USP12: variants seen among roughly 807,000 people sequenced by gnomAD.
USP12 encodes ubiquitin carboxyl-terminal hydrolase 12.
USP12 carries 19 observed loss-of-function variants against 45.5 expected under a neutral mutation model. That is an observed-to-expected ratio of 0.42 (90% CI 0.29 to 0.61). The LOEUF (loss-of-function observed/expected upper bound fraction) is 0.61, where lower values mean the gene tolerates loss of function less well. USP12 is among the 20% of genes least tolerant of loss of function. USP12 has a pLI of 0.22. For missense variants in USP12, 242 were observed against 447.7 expected (o/e 0.54, Z 4.15); for synonymous variants, 149 against 148.8 (o/e 1.00, Z -0.01).
chr13:27,120,792 C>T (rs535422706), intron 1 of USP12, among the ~76,000 whole-genome samples: 2 of 152,230 alleles, frequency 1.3e-5, no homozygotes, highest in South Asian at 4.1e-4. Flanking sequence ...CTATAGAATT[C>T]ATCATGAAGA....
At chr13:27,117,616 C>CGTGTGT (rs60533914) in intron 1 of USP12, 14,858 of 284,360 alleles carry the variant, frequency 0.052, 509 homozygotes, top group African/African-American at 0.093. Context: ...AAAACACCAA[C>CGTGTGT]GTGTGTGTGT....
chr13:27,107,652 A>T (rs1376672122), intron 2 of USP12, among the ~76,000 whole-genome samples: 2 of 152,186 alleles, frequency 1.3e-5, no homozygotes, highest in African/African-American at 4.8e-5. Flanking sequence ...TGTGTTCTCT[A>T]AACACCCTTT....
At chr13:27,138,431 T>C (rs1483290471) in intron 1 of USP12, among the ~76,000 whole-genome samples, 2 of 152,216 alleles carry the variant, frequency 1.3e-5, no homozygotes, top group Middle Eastern at 6.3e-3. Flanking sequence ...AGCTGAGAGA[T>C]GGTGTATCCC....
Position 27,164,688 on chromosome 13 carries a change from T to C in USP12, c.48+6904A>G, listed in dbSNP as rs181106667. Among the ~76,000 whole-genome samples the C allele has an allele frequency of 2.4e-4, 36 of 152,352 alleles. 1 individual carries two copies. In the East Asian group the frequency reaches 6.9e-3, roughly 29 times the overall value. ...TGGTCAAATGTTATATGTAAGTTTT[T>C]CAACAATACTGGGACTCCAATAGAG... On this transcript the variant is annotated intron_variant, in intron 1 of 8. Coordinates refer to ENST00000282344, the MANE Select transcript of USP12 (RefSeq NM_182488.4).
chr13:27,121,688 C>T (rs1431342758), intron 1 of USP12, among the ~76,000 whole-genome samples: 3 of 151,762 alleles, frequency 2.0e-5, no homozygotes, highest in South Asian at 2.1e-4. Flanking sequence ...GGTGAAACCC[C>T]GTCTCTACTA....
At chr13:27,126,005 G>C (rs1876218372) in intron 1 of USP12, among the ~76,000 whole-genome samples, 4 of 152,260 alleles carry the variant, frequency 2.6e-5, no homozygotes, top group Admixed American at 2.6e-4. Flanking sequence ...AGCTCAGCAA[G>C]GCCTACTGCC....
intron 1 of USP12, among the ~76,000 whole-genome samples, chr13:27,160,227 A>C (rs1441757845): frequency 6.6e-6 from 1 of 152,236 alleles, no homozygotes; most frequent in African/African-American, 2.4e-5. Flanking sequence ...TCCAACTAAG[A>C]CAATGATACA....
At chr13:27,146,228 C>A (rs1877301182) in intron 1 of USP12, among the ~76,000 whole-genome samples, 1 of 152,040 alleles carries the variant, frequency 6.6e-6, no homozygotes, top group Non-Finnish European at 1.5e-5. Flanking sequence ...ATGGTGAAAC[C>A]CTGTGTCTAC....
chr13:27,093,683 AG>A (rs1874426227), intron 4 of USP12, among the ~76,000 whole-genome samples: 1 of 152,236 alleles, frequency 6.6e-6, no homozygotes, highest in African/African-American at 2.4e-5. Context: ...ATTTACACAA[AG>A]GAAGTAAAAA....
chr13:27,070,557 C>A (rs954124523), intron 8 of USP12, among the ~76,000 whole-genome samples: 5 of 137,180 alleles, frequency 3.6e-5, no homozygotes, highest in Non-Finnish European at 8.0e-5. Flanking sequence ...TTGTTTTATT[C>A]TTTTTTTTTT....
At chr13:27,141,248 C>T (rs1877039822) in intron 1 of USP12, among the ~76,000 whole-genome samples, 1 of 152,092 alleles carries the variant, frequency 6.6e-6, no homozygotes, top group African/African-American at 2.4e-5. Flanking sequence ...CTCCTGACCT[C>T]AGGTGATCTG....
At chr13:27,163,768 T>TAAAAAAAAAAAA (rs34384911) in intron 1 of USP12, among the ~76,000 whole-genome samples, 1 of 83,302 alleles carries the variant, frequency 1.2e-5, no homozygotes, top group Non-Finnish European at 2.3e-5. Flanking sequence ...AGACCTGTCT[T>TAAAAAAAAAAAA]AAAAAAAAAA....
At chr13:27,074,292 C>G (rs754449361) in intron 7 of USP12, among the ~76,000 whole-genome samples, 10 of 151,944 alleles carry the variant, frequency 6.6e-5, no homozygotes, top group Admixed American at 1.3e-4. Flanking sequence ...CTCAGCTACT[C>G]GGGAGGCAGA....
rs569413547 is a variant in USP12 at position 27,097,745 on chromosome 13, A to G, written c.344-1915T>C. Among the ~76,000 whole-genome samples the G allele has an allele frequency of 2.0e-5, 3 of 152,322 alleles. No homozygotes were observed. The South Asian group carries it at 6.2e-4, about 32-fold the overall frequency. ...GATTAAAAGTGCTTAGAATACAACA[A>G]TAGGTTTTGTATTCTGTTCAACAAC... On this transcript the variant is annotated intron_variant, in intron 3 of 8. Coordinates refer to ENST00000282344, the MANE Select transcript of USP12 (RefSeq NM_182488.4).
chr13:27,121,306 TAA>T (rs201772631), intron 1 of USP12, among the ~76,000 whole-genome samples: 11 of 134,206 alleles, frequency 8.2e-5, no homozygotes, highest in African/African-American at 1.1e-4. Context: ...TATGTGATCT[TAA>T]AAAAAAAAAA....
chr13:27,170,857 A>C (rs192840754), intron 1 of USP12, among the ~76,000 whole-genome samples: 1 of 152,234 alleles, frequency 6.6e-6, no homozygotes, highest in Non-Finnish European at 1.5e-5. Context: ...TGCCACCTGG[A>C]CACACGGCTG....
At chr13:27,104,964 T>C (rs1055260198) in intron 3 of USP12, among the ~76,000 whole-genome samples, 4 of 152,210 alleles carry the variant, frequency 2.6e-5, no homozygotes, top group Admixed American at 2.0e-4. Context: ...ATTTGAATTT[T>C]TGAGGCAGTG....
chr13:27,093,395 A>G (rs1400277197), intron 4 of USP12, among the ~76,000 whole-genome samples: 1 of 152,156 alleles, frequency 6.6e-6, no homozygotes, highest in Non-Finnish European at 1.5e-5. Context: ...ACACATCACT[A>G]AAGAGATATA....
Position 27,132,028 on chromosome 13 carries a change from C to G in USP12, c.49-15432G>C, listed in dbSNP as rs994414607. 2.6e-5 allele frequency among the ~76,000 whole-genome samples: 4 copies of G among 152,152 alleles called. No homozygotes were observed. The South Asian group carries it at 6.2e-4, about 24-fold the overall frequency. ...TCTAGTGCTTCTACTGGTTCTACAT[C>G]TAAATCTTTAGCTAGATTTACCAAT... On this transcript the variant is annotated intron_variant, in intron 1 of 8. Transcript: ENST00000282344.
Sources: allele counts gnomAD v4.1 joint callset (sites outside exome capture counted in the v4.1 genomes callset), GRCh38; gene constraint gnomAD v4.1.1; transcripts MANE v1.5; gene names NCBI Gene and HGNC (gene_info 2026-07-23, HGNC 2026-07-21).